TMTC2: variants seen among roughly 807,000 people sequenced by gnomAD.
The protein encoded by TMTC2 is transmembrane O-mannosyltransferase targeting cadherins 2, also known as protein O-mannosyl-transferase TMTC2.
TMTC2 carries 43 observed loss-of-function variants against 82.4 expected under a neutral mutation model. The ratio of observed to expected loss-of-function variants is 0.52; its 90% CI spans 0.41 to 0.67. TMTC2 has a LOEUF of 0.67. TMTC2 is among the 30% of genes least tolerant of loss of function. The pLI is 0.00. For missense variants in TMTC2, 919 were observed against 1,012.4 expected (o/e 0.91, Z 1.25); for synonymous variants, 408 against 381.9 (o/e 1.07, Z -0.80).
intron 8 of TMTC2, among the ~76,000 whole-genome samples, chr12:83,023,839 A>C (rs4387424): frequency 0.59 from 90,122 of 152,060 alleles, 27,242 homozygotes; most frequent in South Asian, 0.73. Flanking sequence ...CTATAAGTAT[A>C]TTTCAGCCAG....
chr12:83,077,695 C>T (rs988033259), intron 11 of TMTC2, among the ~76,000 whole-genome samples: 26 of 152,094 alleles, frequency 1.7e-4, no homozygotes, highest in African/African-American at 5.1e-4. Flanking sequence ...CTGCCTCAGC[C>T]TCCCAAGCAG....
At chr12:83,092,589 C>T (rs2137521319) in intron 11 of TMTC2, among the ~76,000 whole-genome samples, 1 of 152,244 alleles carries the variant, frequency 6.6e-6, no homozygotes, top group African/African-American at 2.4e-5. Context: ...TCAGCAGTCT[C>T]CACCATATTA....
At chr12:82,973,039 A>G (rs535315174) in intron 7 of TMTC2, among the ~76,000 whole-genome samples, 7 of 152,288 alleles carry the variant, frequency 4.6e-5, no homozygotes, top group African/African-American at 1.7e-4. Context: ...GGCATTTAGC[A>G]TGCTGACTGT....
intron 1 of TMTC2, among the ~76,000 whole-genome samples, chr12:82,719,321 T>C (rs1464456560): frequency 1.3e-5 from 2 of 151,796 alleles, no homozygotes; most frequent in African/African-American, 4.8e-5. Context: ...CTCTAACTCC[T>C]GACCTCGTGA....
intron 11 of TMTC2, among the ~76,000 whole-genome samples, chr12:83,103,606 G>C (rs779313808): frequency 3.9e-5 from 6 of 152,072 alleles, no homozygotes; most frequent in Non-Finnish European, 8.8e-5. Context: ...CAAACACCTC[G>C]CAACAAGCCC....
intron 11 of TMTC2, among the ~76,000 whole-genome samples, chr12:83,121,332 G>A (rs1038697973): frequency 6.6e-6 from 1 of 152,102 alleles, no homozygotes; most frequent in Non-Finnish European, 1.5e-5. Context: ...AGATTATTTT[G>A]TCCCATGGTG....
At chr12:82,907,748 A>G (rs932135946) in intron 3 of TMTC2, among the ~76,000 whole-genome samples, 3 of 152,184 alleles carry the variant, frequency 2.0e-5, no homozygotes, top group Admixed American at 1.3e-4. Context: ...TTTATATGCT[A>G]AAATACTTGA....
intron 3 of TMTC2, among the ~76,000 whole-genome samples, chr12:82,911,722 C>A (rs1592621531): frequency 6.6e-6 from 1 of 152,150 alleles, no homozygotes; most frequent in African/African-American, 2.4e-5. Flanking sequence ...GTGCCTCAGC[C>A]TCCCCAGTAG....
At chr12:82,862,959 G>A (rs1387144062) in intron 2 of TMTC2, among the ~76,000 whole-genome samples, 6 of 152,148 alleles carry the variant, frequency 3.9e-5, no homozygotes, top group African/African-American at 1.2e-4. Flanking sequence ...TAGTGTTTCT[G>A]TACTTCTGAC....
At chr12:82,754,190 G>A (rs3924491) in intron 1 of TMTC2, among the ~76,000 whole-genome samples, 148,130 of 152,250 alleles carry the variant, frequency 0.97, 72,186 homozygotes, top group East Asian at 1. Context: ...GTATTTTTTT[G>A]AAGGTACTCC....
chr12:83,100,570 T>C (rs10506889), intron 11 of TMTC2, among the ~76,000 whole-genome samples: 27,824 of 152,116 alleles, frequency 0.18, 3,137 homozygotes, highest in African/African-American at 0.31. Flanking sequence ...TTTTGAAATA[T>C]GTCTTTGAAA....
At chr12:82,795,311 CAAAAAAAAA>C (rs35485888) in intron 1 of TMTC2, among the ~76,000 whole-genome samples, 1 of 94,878 alleles carries the variant, frequency 1.1e-5, no homozygotes, top group Non-Finnish European at 2.2e-5. Context: ...GATTCCATCT[CAAAAAAAAA>C]AAAAAAAAAG....
intron 1 of TMTC2, among the ~76,000 whole-genome samples, chr12:82,846,607 C>T (rs891752848): frequency 2.6e-5 from 4 of 151,886 alleles, no homozygotes; most frequent in Non-Finnish European, 4.4e-5. Context: ...TATTGCTTAT[C>T]GGAAAAACTC....
At chr12:82,919,871 A>G (rs1875274945) in intron 3 of TMTC2, among the ~76,000 whole-genome samples, 1 of 152,170 alleles carries the variant, frequency 6.6e-6, no homozygotes, top group Admixed American at 6.5e-5. Flanking sequence ...GGCTCAGCCC[A>G]CATTTCCGCT....
At chr12:82,884,704 G>A (rs1364005177) in intron 2 of TMTC2, among the ~76,000 whole-genome samples, 2 of 152,122 alleles carry the variant, frequency 1.3e-5, no homozygotes, top group South Asian at 2.1e-4. Context: ...CCTATTATTA[G>A]CATCCTGCAT....
At chr12:83,016,675 GT>G (rs1880694303) in intron 8 of TMTC2, among the ~76,000 whole-genome samples, 1 of 152,114 alleles carries the variant, frequency 6.6e-6, no homozygotes, top group South Asian at 2.1e-4. Flanking sequence ...AAGCTATAAA[GT>G]TAGTTGTTAA....
chr12:82,692,527 T>C (rs1872621899), intron 1 of TMTC2, among the ~76,000 whole-genome samples: 1 of 152,176 alleles, frequency 6.6e-6, no homozygotes, highest in Admixed American at 6.5e-5. Context: ...TTTGTAATAT[T>C]AGGAAAGGAT....
At chr12:83,031,558 C>A (rs1237204087) in intron 9 of TMTC2, among the ~76,000 whole-genome samples, 1 of 152,146 alleles carries the variant, frequency 6.6e-6, no homozygotes, top group Non-Finnish European at 1.5e-5. Flanking sequence ...GTTGGAATTT[C>A]TTTTAGGGAG....
At chr12:82,847,799 G>A (rs1191467735) in intron 1 of TMTC2, among the ~76,000 whole-genome samples, 1 of 151,770 alleles carries the variant, frequency 6.6e-6, no homozygotes, top group Non-Finnish European at 1.5e-5. Flanking sequence ...CTGTCAGGGG[G>A]TGTGGGACTT....
Sources: gnomAD v4.1 joint callset for allele counts (sites outside exome capture counted in the v4.1 genomes callset) on GRCh38, gnomAD v4.1.1 for gene constraint, MANE v1.5 for transcripts, NCBI Gene and HGNC (gene_info 2026-07-23, HGNC 2026-07-21) for gene names.